MEAK7: variants seen among roughly 807,000 people sequenced by gnomAD.
MEAK7 encodes the protein MTOR associated protein MEAK7, also known as MTOR-associated protein MEAK7.
Under a neutral mutation model 40.5 loss-of-function variants are expected in MEAK7, and 68 were observed. That is an observed-to-expected ratio of 1.68 (90% confidence interval 1.38 to 2.06). The LOEUF is 2.06. Ranked by LOEUF, MEAK7 falls within the 30% of genes most tolerant of loss-of-function variation. The pLI is 0.00. For synonymous variants in MEAK7, 338 were observed against 231.9 expected (o/e 1.46, Z -4.16); for missense variants, 918 against 580.5 (o/e 1.58, Z -5.98).
At chr16:84,487,281 T>G in intron 4 of MEAK7, 1 of 529,018 alleles carries the variant, frequency 1.9e-6, no homozygotes, top group South Asian at 2.8e-5. Context: ...TTTTTAAATA[T>G]TCATTACATT....
At chr16:84,499,415 G>A (rs987164113) in intron 1 of MEAK7, among the ~76,000 whole-genome samples, 1 of 152,142 alleles carries the variant, frequency 6.6e-6, no homozygotes, top group Non-Finnish European at 1.5e-5. Flanking sequence ...TTAGCCAAGG[G>A]GGAAAGGCCA....
chr16:84,483,244 G>A (rs967711226), intron 5 of MEAK7, among the ~76,000 whole-genome samples: 5 of 152,224 alleles, frequency 3.3e-5, no homozygotes, highest in African/African-American at 1.2e-4. Context: ...AAAGGCATGG[G>A]GTGGGCACAC....
Position 84,479,789 on chromosome 16 carries a change from C to T in MEAK7, c.*124G>A. ...CGTCTTCTTGGCACATGTGGGACTA[C>T]CAGGCTGTGACCCGTGCGGTACGCT... On this transcript the variant is annotated 3_prime_UTR_variant, in exon 8 of 8. Coordinates refer to ENST00000343629, the MANE Select transcript of MEAK7 (RefSeq NM_020947.4). 1.8e-6 allele frequency: 1 copy of T among 564,102 alleles called. No individual in the cohort carries two copies. 34.9% of individuals were successfully genotyped at this position (564,102 alleles called of 1,614,324 possible).
At chr16:84,483,905 A>C (rs1912801958) in intron 5 of MEAK7, among the ~76,000 whole-genome samples, 2 of 152,142 alleles carry the variant, frequency 1.3e-5, no homozygotes, top group South Asian at 4.1e-4. Flanking sequence ...AGAAAGTTCC[A>C]CTGGAACCAG....
At chr16:84,486,436 A>G (rs1913062718) in intron 5 of MEAK7, 195 bp downstream of exon 5, 13 of 1,373,982 alleles carry the variant, frequency 9.5e-6, no homozygotes, top group Non-Finnish European at 1.1e-5. Flanking sequence ...TGGGGGTCAC[A>G]CGGCCTGTCC....
intron 6 of MEAK7, 87 bp from the exon 7 acceptor site, chr16:84,480,795 A>G: frequency 6.9e-7 from 1 of 1,450,440 alleles, no homozygotes; most frequent in Non-Finnish European, 9.2e-7. Flanking sequence ...CTCTCGCCTT[A>G]AGTACCAGCC....
At chr16:84,484,977 G>A (rs1912905436) in intron 5 of MEAK7, among the ~76,000 whole-genome samples, 1 of 152,208 alleles carries the variant, frequency 6.6e-6, no homozygotes, top group African/African-American at 2.4e-5. Flanking sequence ...TAACATTAAA[G>A]GCTCTGGAGG....
intron 1 of MEAK7, among the ~76,000 whole-genome samples, chr16:84,503,258 A>G (rs1914644288): frequency 1.3e-5 from 2 of 152,216 alleles, no homozygotes; most frequent in Non-Finnish European, 2.9e-5. Flanking sequence ...GTTGGATGTC[A>G]TTCAAAGCCG....
intron 5 of MEAK7, 55 bp from the exon 6 acceptor site, chr16:84,482,765 A>G (rs1172205792): frequency 6.2e-7 from 1 of 1,604,428 alleles, no homozygotes; most frequent in African/African-American, 1.3e-5. Context: ...CCGGTCCCAC[A>G]GGGCCGGAAA....
chr16:84,495,634 G>T, intron 3 of MEAK7, 49 bp downstream of exon 3: 1 of 1,583,132 alleles, frequency 6.3e-7, no homozygotes, highest in Non-Finnish European at 8.7e-7. Context: ...CCCACCGATG[G>T]TCACCAAGAC....
intron 4 of MEAK7, chr16:84,488,496 T>C (rs1913287603): frequency 6.6e-6 from 1 of 152,214 alleles, no homozygotes; most frequent in South Asian, 2.1e-4. Context: ...CACATTCTTC[T>C]CAAATGTGCT....
At chr16:84,498,210 T>G (rs142173190) in intron 1 of MEAK7, 99 bp from the exon 2 acceptor site, 2 of 1,378,342 alleles carry the variant, frequency 1.5e-6, no homozygotes, top group East Asian at 2.4e-5. Flanking sequence ...TATACTGATA[T>G]AGCCACAAAA....
chr16:84,480,299 C>T (rs551559787), intron 7 of MEAK7, among the ~76,000 whole-genome samples: 94 of 152,246 alleles, frequency 6.2e-4, no homozygotes, highest in Middle Eastern at 3.4e-3. Flanking sequence ...CACCTGGGCT[C>T]GCACTTGGGG....
rs749510439 is a variant in MEAK7 at position 84,480,017 on chromosome 16, T to C, written c.1267A>G (p.Asn423Asp). The C allele has an allele frequency of 1.0e-5, 16 of 1,600,886 alleles. No homozygotes were observed. Among genetic ancestry groups the C allele is most frequent in the Middle Eastern group, 1.7e-4 (1 of 6,022 alleles). ...GGGTCCGCATCCAGGATGCTCTTGT[T>C]GCCCTTGGCCTTGAGAAGAGAAGAA... ...DPSEEQLAKG[N>D]KSILDADPEA... Residue 423 changes from asparagine (N) to aspartate (D), a missense_variant, in exon 8 of 8, where the codon AAC becomes GAC. Coordinates refer to ENST00000343629, the MANE Select transcript of MEAK7 (RefSeq NM_020947.4).
chr16:84,489,067 T>C (rs1012285269), intron 4 of MEAK7, among the ~76,000 whole-genome samples: 7 of 152,224 alleles, frequency 4.6e-5, no homozygotes, highest in Non-Finnish European at 1.0e-4. Context: ...AGACAAATTA[T>C]TTAAATCAGT....
At chr16:84,501,954 G>A (rs1351909346) in intron 1 of MEAK7, among the ~76,000 whole-genome samples, 1 of 152,158 alleles carries the variant, frequency 6.6e-6, no homozygotes, top group Non-Finnish European at 1.5e-5. Context: ...AGACTAGCTG[G>A]ACCAACATGG....
At chr16:84,493,531 T>C (rs1173923713) in intron 3 of MEAK7, among the ~76,000 whole-genome samples, 1 of 152,212 alleles carries the variant, frequency 6.6e-6, no homozygotes, top group Non-Finnish European at 1.5e-5. Flanking sequence ...CATTAGCTGT[T>C]TTTTTTCCAG....
At chr16:84,489,016 G>A (rs74659422) in intron 4 of MEAK7, among the ~76,000 whole-genome samples, 8,277 of 152,204 alleles carry the variant, frequency 0.054, 394 homozygotes, top group East Asian at 0.26. Context: ...CGACAAAAAT[G>A]TGAAAACCCT....
At chr16:84,486,333 T>C in intron 5 of MEAK7, 2 of 661,056 alleles carry the variant, frequency 3.0e-6, no homozygotes, top group Non-Finnish European at 4.1e-6. Context: ...TACCATCTCC[T>C]GGTCCCCTCG....
Sources: gnomAD v4.1 joint callset for allele counts (sites outside exome capture counted in the v4.1 genomes callset) on GRCh38, gnomAD v4.1.1 for gene constraint, MANE v1.5 for transcripts, NCBI Gene and HGNC (gene_info 2026-07-23, HGNC 2026-07-21) for gene names.